PSD3: variants seen among roughly 807,000 people sequenced by gnomAD.
PSD3 encodes pleckstrin and Sec7 domain containing 3, also known as PH and SEC7 domain-containing protein 3.
PSD3 carries 49 observed loss-of-function variants against 105.5 expected under a neutral mutation model. That is an observed-to-expected ratio of 0.46 (90% CI 0.37 to 0.59). The LOEUF is 0.59. PSD3 is among the 20% of genes least tolerant of loss of function. The pLI, the probability that PSD3 is intolerant of heterozygous loss-of-function variation, is 0.00. For synonymous variants in PSD3, 557 were observed against 457.8 expected, an observed-to-expected ratio of 1.22 and a Z score of -2.77; for missense variants, 1,561 against 1,263.8, an observed-to-expected ratio of 1.24 and a Z score of -3.57.
chr8:18,537,667 T>C (rs1328173825), intron 15 of PSD3, among the ~76,000 whole-genome samples: 1 of 116,478 alleles, frequency 8.6e-6, no homozygotes, highest in Non-Finnish European at 1.8e-5. Flanking sequence ...AAGTCACTGG[T>C]GTTAGCCTCT....
chr8:18,679,511 C>A (rs574579371), intron 9 of PSD3, among the ~76,000 whole-genome samples: 5 of 152,318 alleles, frequency 3.3e-5, no homozygotes, highest in South Asian at 4.1e-4. Flanking sequence ...TATAAAACTA[C>A]CTTTGTTAAA....
At chr8:18,765,267 A>AT in intron 9 of PSD3, among the ~76,000 whole-genome samples, 182 bp downstream of exon 9, 1 of 152,378 alleles carries the variant, frequency 6.6e-6, no homozygotes, top group East Asian at 1.9e-4. Flanking sequence ...ACTTCTAGAA[A>AT]TTATCAACTT....
At chr8:18,670,249 C>A (rs996075666) in intron 9 of PSD3, among the ~76,000 whole-genome samples, 2 of 152,150 alleles carry the variant, frequency 1.3e-5, no homozygotes, top group Non-Finnish European at 2.9e-5. Context: ...GTCTGAGAAA[C>A]CCAGCGGGGC....
Position 18,774,137 on chromosome 8 carries a change from C to G in PSD3, c.2083-8599G>C, listed in dbSNP as rs1352030367. ...TTTGTATAGTCCTGAAGATCCTCTACACACAAGATCAGTTCTCCCATACAG... is the reference window on the plus strand; with the variant it reads ...TTTGTATAGTCCTGAAGATCCTCTAGACACAAGATCAGTTCTCCCATACAG... On this transcript the variant is annotated intron_variant, in intron 8 of 15. Transcript: ENST00000327040. 6.6e-5 allele frequency among the ~76,000 whole-genome samples: 10 copies of G among 152,118 alleles called. No homozygotes were observed. The East Asian group carries it at 1.9e-3, about 29-fold the overall frequency.
intron 1 of PSD3, among the ~76,000 whole-genome samples, chr8:19,035,431 G>A (rs943161046): frequency 9.9e-5 from 15 of 152,050 alleles, no homozygotes; most frequent in Non-Finnish European, 2.1e-4. Flanking sequence ...ATCATAAATG[G>A]CACAGTGTTT....
At chr8:18,613,918 G>C (rs748070136) in intron 11 of PSD3, among the ~76,000 whole-genome samples, 8 of 152,152 alleles carry the variant, frequency 5.3e-5, no homozygotes, top group Non-Finnish European at 8.8e-5. Context: ...GTGCTAAGCC[G>C]GCCGCCTCCA....
chr8:18,782,673 G>A (rs2129445422), intron 8 of PSD3, among the ~76,000 whole-genome samples: 1 of 152,298 alleles, frequency 6.6e-6, no homozygotes, highest in South Asian at 2.1e-4. Flanking sequence ...GCTAGCAGTG[G>A]CAACAATGGG....
At chr8:18,579,482 G>A (rs1183713749) in intron 12 of PSD3, among the ~76,000 whole-genome samples, 4 of 152,032 alleles carry the variant, frequency 2.6e-5, no homozygotes, top group Non-Finnish European at 4.4e-5. Context: ...TTACTCTCTC[G>A]TGTTCCCTGC....
chr8:18,810,974 G>A (rs1811634015), intron 4 of PSD3, among the ~76,000 whole-genome samples: 1 of 152,064 alleles, frequency 6.6e-6, no homozygotes, highest in South Asian at 2.1e-4. Flanking sequence ...CTCTGAAAAG[G>A]GAAAAGAAAA....
intron 1 of PSD3, among the ~76,000 whole-genome samples, chr8:18,965,319 T>A (rs1293053461): frequency 2.0e-5 from 3 of 152,166 alleles, no homozygotes; most frequent in Non-Finnish European, 4.4e-5. Context: ...TATGAGCACA[T>A]CATGCCAAGG....
intron 8 of PSD3, among the ~76,000 whole-genome samples, chr8:18,796,025 T>C (rs957947087): frequency 7.2e-5 from 11 of 152,126 alleles, no homozygotes; most frequent in Admixed American, 1.3e-4. Flanking sequence ...ACAAATTATA[T>C]AGCAAATTCA....
At chr8:18,778,906 C>A (rs1808345410) in intron 8 of PSD3, among the ~76,000 whole-genome samples, 1 of 151,910 alleles carries the variant, frequency 6.6e-6, no homozygotes, top group Non-Finnish European at 1.5e-5. Context: ...GGAATACTGG[C>A]CTATAGTGTT....
chr8:18,810,790 T>G (rs777335296), intron 4 of PSD3, among the ~76,000 whole-genome samples: 12 of 152,076 alleles, frequency 7.9e-5, no homozygotes, highest in Non-Finnish European at 1.5e-4. Context: ...AAAAGACCAG[T>G]GGGAACAACA....
At chr8:18,767,548 C>G (rs1000872730) in intron 8 of PSD3, among the ~76,000 whole-genome samples, 10 of 152,022 alleles carry the variant, frequency 6.6e-5, no homozygotes, top group African/African-American at 2.4e-4. Flanking sequence ...GAGTTCTAGA[C>G]CAGCCTGCTC....
chr8:18,914,103 G>T (rs915668936), intron 2 of PSD3, among the ~76,000 whole-genome samples: 1 of 151,144 alleles, frequency 6.6e-6, no homozygotes, highest in Non-Finnish European at 1.5e-5. Context: ...CCAATAGCAA[G>T]CCTACACACA....
rs189697483 is a variant in PSD3 at position 18,682,143 on chromosome 8, C to T, written c.2173-26458G>A. On this transcript the variant is annotated intron_variant, in intron 9 of 15. Coordinates refer to ENST00000327040, the MANE Select transcript of PSD3 (RefSeq NM_015310.4). ...TATGCTGGATTCCAACATTACACTA[C>T]ACAACCATAATTCTGGGTGAACCCA... is the stretch of plus-strand genomic sequence containing the variant. 1.4e-4 allele frequency among the ~76,000 whole-genome samples: 22 copies of T among 152,220 alleles called. No individual in the cohort carries two copies. In the East Asian group the frequency reaches 4.2e-3, roughly 29 times the overall value.
At chr8:18,802,875 T>G (rs1298669776) in intron 6 of PSD3, among the ~76,000 whole-genome samples, 1 of 152,222 alleles carries the variant, frequency 6.6e-6, no homozygotes, top group South Asian at 2.1e-4. Flanking sequence ...GACACCTTCA[T>G]TTGAAAAGGT....
chr8:18,633,984 T>C (rs1373264854), intron 10 of PSD3, among the ~76,000 whole-genome samples: 1 of 152,120 alleles, frequency 6.6e-6, no homozygotes, highest in Non-Finnish European at 1.5e-5. Flanking sequence ...TGGTATCTCA[T>C]TGTGGTTTTG....
chr8:18,797,289 G>A (rs966155449), intron 8 of PSD3, among the ~76,000 whole-genome samples: 10 of 152,112 alleles, frequency 6.6e-5, no homozygotes, highest in African/African-American at 2.4e-4. Context: ...GAATATGACA[G>A]AGATTCACTG....
Sources: gnomAD v4.1 joint callset for allele counts (sites outside exome capture counted in the v4.1 genomes callset) on GRCh38, gnomAD v4.1.1 for gene constraint, MANE v1.5 for transcripts, NCBI Gene and HGNC (gene_info 2026-07-23, HGNC 2026-07-21) for gene names.